LRRC37A2: variants seen among roughly 807,000 people sequenced by gnomAD.
LRRC37A2 encodes the protein leucine rich repeat containing 37 member A2, also known as leucine-rich repeat-containing protein 37A2.
Under a neutral mutation model 68.8 loss-of-function variants are expected in LRRC37A2, and 9 were observed. That is an observed-to-expected ratio of 0.13 (90% CI 0.08 to 0.23). The LOEUF is 0.23. Among genes scored for constraint, LRRC37A2 ranks in the 10% least tolerant of loss-of-function variants. The pLI, the probability that LRRC37A2 is intolerant of heterozygous loss-of-function variation, is 1.00. For missense variants in LRRC37A2, 168 were observed against 950.4 expected, an observed-to-expected ratio of 0.18 and a Z score of 10.82; for synonymous variants, 63 against 367.6, an observed-to-expected ratio of 0.17 and a Z score of 9.48.
At chr17:46,965,628 T>TTTGTTCTTTGTTCTTTTTTTTCTG in the LRRC37A2 span, among the ~76,000 whole-genome samples, 2 of 151,792 alleles carry the variant, frequency 1.3e-5, no homozygotes, top group Admixed American at 1.3e-4. Flanking sequence ...ATGCCTTCTC[T>TTTGTTCTTTGTTCTTTTTTTTCTG]TTCTTTTTTT....
At chr17:46,919,813 G>C in the LRRC37A2 span, among the ~76,000 whole-genome samples, 88 of 152,258 alleles carry the variant, frequency 5.8e-4, no homozygotes, top group Non-Finnish European at 9.1e-4. Context: ...TGGGCGTGGT[G>C]GTGGGTGCCT....
At chr17:47,002,152 T>C in the LRRC37A2 span, among the ~76,000 whole-genome samples, 1 of 152,184 alleles carries the variant, frequency 6.6e-6, no homozygotes, top group African/African-American at 2.4e-5. Flanking sequence ...CATAATTATT[T>C]TGAGATGTAT....
the LRRC37A2 span, among the ~76,000 whole-genome samples, chr17:47,012,137 T>A: frequency 1.4e-4 from 21 of 152,212 alleles, no homozygotes; most frequent in African/African-American, 4.8e-4. Context: ...CTTCATGACT[T>A]CTTCCACATT....
chr17:46,889,134 A>C, the LRRC37A2 span, among the ~76,000 whole-genome samples: 1 of 152,122 alleles, frequency 6.6e-6, no homozygotes, highest in South Asian at 2.1e-4. Context: ...CTTTATTCGT[A>C]TCCTAGACTT....
chr17:46,925,553 C>T, the LRRC37A2 span, among the ~76,000 whole-genome samples: 4 of 152,146 alleles, frequency 2.6e-5, no homozygotes, highest in African/African-American at 7.2e-5. Flanking sequence ...ATAATTTGGG[C>T]TGGTTAAACT....
chr17:46,929,631 G>T, the LRRC37A2 span: 23 of 926,364 alleles, frequency 2.5e-5, no homozygotes, highest in Non-Finnish European at 4.0e-5. Context: ...TGATGACAGG[G>T]TGCTAATGGG....
the LRRC37A2 span, among the ~76,000 whole-genome samples, chr17:46,896,608 C>G: frequency 6.6e-6 from 1 of 152,050 alleles, no homozygotes; most frequent in Non-Finnish European, 1.5e-5. Flanking sequence ...CTGTTTCAAA[C>G]AAACACATTA....
the LRRC37A2 span, chr17:47,018,769 C>T: frequency 5.3e-6 from 8 of 1,521,206 alleles, no homozygotes; most frequent in Admixed American, 1.3e-4. Context: ...CCAGAGTTTC[C>T]TAATGTAGTT....
At chr17:46,951,517 C>T in the LRRC37A2 span, among the ~76,000 whole-genome samples, 2 of 152,226 alleles carry the variant, frequency 1.3e-5, no homozygotes, top group Admixed American at 6.5e-5. Flanking sequence ...TGCCTTTTAA[C>T]TGGCGTAGCC....
At chr17:46,707,339 G>C in the LRRC37A2 span, among the ~76,000 whole-genome samples, 1 of 152,046 alleles carries the variant, frequency 6.6e-6, no homozygotes, top group Non-Finnish European at 1.5e-5. Context: ...ATTGATACAA[G>C]TTCTTTATAT....
At chr17:46,901,803 A>ATTTTTTTTTTT in the LRRC37A2 span, among the ~76,000 whole-genome samples, 1 of 128,200 alleles carries the variant, frequency 7.8e-6, no homozygotes, top group African/African-American at 3.3e-5. Context: ...TGGAGCAAGA[A>ATTTTTTTTTTT]TTTTTTTTTT....
chr17:46,901,228 C>A, the LRRC37A2 span, among the ~76,000 whole-genome samples: 3 of 152,080 alleles, frequency 2.0e-5, no homozygotes, highest in East Asian at 5.8e-4. Flanking sequence ...GTGGTGCGAT[C>A]TCAGCTCACT....
the LRRC37A2 span, chr17:46,948,688 A>G: frequency 2.0e-5 from 3 of 152,250 alleles, no homozygotes; most frequent in African/African-American, 7.2e-5. Flanking sequence ...AAGGGCCAGA[A>G]ATCCCAGGAT....
the LRRC37A2 span, among the ~76,000 whole-genome samples, chr17:46,822,938 G>A: frequency 3.3e-5 from 5 of 150,976 alleles, no homozygotes; most frequent in Admixed American, 3.3e-4. Flanking sequence ...TTCTCCCTGT[G>A]GCAGTAGTTC....
chr17:46,755,750 G>GT, the LRRC37A2 span: 8 of 1,106,588 alleles, frequency 7.2e-6, no homozygotes, highest in South Asian at 1.4e-5. Flanking sequence ...TTGATGAATA[G>GT]TTTTTTACGG....
At chr17:46,958,746 A>T in the LRRC37A2 span, among the ~76,000 whole-genome samples, 12,853 of 152,276 alleles carry the variant, frequency 0.084, 785 homozygotes, top group Non-Finnish European at 0.12. Context: ...CTTCCGGCGA[A>T]GTCAAAGGTT....
intron 6 of LRRC37A2, among the ~76,000 whole-genome samples, chr17:46,532,728 TTTTA>T (rs1313592845): frequency 6.8e-6 from 1 of 146,282 alleles, no homozygotes; most frequent in African/African-American, 2.7e-5. Flanking sequence ...GTATAATCCT[TTTTA>T]TTCATATTAT....
the LRRC37A2 span, among the ~76,000 whole-genome samples, chr17:46,960,042 C>T: frequency 6.6e-6 from 1 of 152,216 alleles, no homozygotes; most frequent in African/African-American, 2.4e-5. Context: ...TTGTCAGCCT[C>T]TCAGGACTGA....
chr17:46,766,562 C>T, the LRRC37A2 span, among the ~76,000 whole-genome samples: 1 of 152,172 alleles, frequency 6.6e-6, no homozygotes, highest in South Asian at 2.1e-4. Context: ...TGTTCAGATA[C>T]CGACAAAGGT....
Sources: allele counts gnomAD v4.1 joint callset (sites outside exome capture counted in the v4.1 genomes callset), GRCh38; gene constraint gnomAD v4.1.1; transcripts MANE v1.5; gene names NCBI Gene and HGNC (gene_info 2026-07-23, HGNC 2026-07-21).